Variants in HDAC4 observed in about 807,000 individuals in gnomAD.
HDAC4 encodes the protein histone deacetylase A.
A neutral mutation model predicts 135.1 loss-of-function variants in HDAC4; 16 were observed. The ratio of observed to expected loss-of-function variants is 0.12; its 90% CI spans 0.08 to 0.18. The LOEUF is 0.18. HDAC4 is among the 10% of genes least tolerant of loss of function. The pLI, the probability that HDAC4 is intolerant of heterozygous loss-of-function variation, is 1.00. For missense variants in HDAC4, 1,143 were observed against 1,511.8 expected, an observed-to-expected ratio of 0.76 and a Z score of 4.05; for synonymous variants, 685 against 653.4, an observed-to-expected ratio of 1.05 and a Z score of -0.74.
chr2:239,393,234 G>A (rs185577308), intron 1 of HDAC4, among the ~76,000 whole-genome samples: 437 of 152,302 alleles, frequency 2.9e-3, no homozygotes, highest in African/African-American at 9.4e-3. Context: ...GCCTAGCCGC[G>A]CCATGGACCA....
At chr2:239,095,766 A>G (rs1559416903) in intron 16 of HDAC4, among the ~76,000 whole-genome samples, 1 of 152,164 alleles carries the variant, frequency 6.6e-6, no homozygotes, top group Non-Finnish European at 1.5e-5. Context: ...TGTTTGACCC[A>G]GTGCTGGCTG....
chr2:239,277,848 C>G (rs113533573), intron 2 of HDAC4, among the ~76,000 whole-genome samples: 2 of 152,154 alleles, frequency 1.3e-5, no homozygotes. Context: ...TCAGATCTGC[C>G]GGAAACAAAT....
intron 3 of HDAC4, among the ~76,000 whole-genome samples, chr2:239,210,549 C>A (rs1285865332): frequency 1.3e-5 from 2 of 152,212 alleles, no homozygotes; most frequent in African/African-American, 4.8e-5. Context: ...TATTACCCGG[C>A]CTGTGAGCAC....
At chr2:239,301,283 G>A (rs570692339) in intron 2 of HDAC4, among the ~76,000 whole-genome samples, 21 of 152,256 alleles carry the variant, frequency 1.4e-4, no homozygotes, top group African/African-American at 4.3e-4. Flanking sequence ...ATGGTGGGGC[G>A]TATGCAGCGT....
At chr2:239,399,583 G>C (rs912123028) in intron 1 of HDAC4, among the ~76,000 whole-genome samples, 5 of 152,218 alleles carry the variant, frequency 3.3e-5, no homozygotes, top group African/African-American at 1.2e-4. Context: ...GTGCAAACCT[G>C]CCAGTATCCC....
In HDAC4 at chr2:239,139,874, G is replaced by C; in HGVS notation, c.866-78C>G. 1 of 1,221,378 alleles carries C rather than the reference G, an allele frequency of 8.2e-7. No homozygotes were observed. Among genetic ancestry groups the C allele is most frequent in the East Asian group, 2.4e-5 (1 of 42,440 alleles). 75.7% of individuals were successfully genotyped at this position (1,221,378 alleles called of 1,614,324 possible). A position where few individuals can be genotyped will look rare whatever the true frequency, so the allele number is the denominator to read the frequency against. ...GTGCTGACCTGTGGCCCGAATGCCCGGTGCCTTCCACGGACCTGCTCGTTA... is the reference window on the plus strand; with the variant it reads ...GTGCTGACCTGTGGCCCGAATGCCCCGTGCCTTCCACGGACCTGCTCGTTA... On this transcript the variant is annotated intron_variant, in intron 8 of 26. Transcript: ENST00000543185. The surrounding 1 kb of genome is among the most constrained non-coding windows in gnomAD (Gnocchi z 5.3).
rs2033845896 is a variant in HDAC4, at chr2:239,068,710, C to T, written c.2751-103G>A. On this transcript the variant is annotated intron_variant, in intron 22 of 26. Coordinates refer to ENST00000543185, the MANE Select transcript of HDAC4 (RefSeq NM_001378414.1). The surrounding 1 kb of genome is among the most constrained non-coding windows in gnomAD (Gnocchi z 4.4). ...TGGCATTGATAATGCCTGCCCCGCA[C>T]CCCCTCGGCCACTGGCGGGCTGAGG... 5.0e-6 allele frequency: 5 copies of T among 994,250 alleles called. No individual in the cohort carries two copies. In the South Asian group the frequency reaches 5.1e-5, roughly 10 times the overall value. 61.6% of individuals were successfully genotyped at this position (994,250 alleles called of 1,614,324 possible).
chr2:239,339,295 G>A (rs938040338), intron 2 of HDAC4, among the ~76,000 whole-genome samples: 8 of 152,208 alleles, frequency 5.3e-5, no homozygotes, highest in African/African-American at 1.9e-4. Context: ...ATCAGCTGCA[G>A]GGCCAGGTGC....
chr2:239,096,791 C>T (rs943776348), intron 16 of HDAC4, among the ~76,000 whole-genome samples: 1 of 151,344 alleles, frequency 6.6e-6, no homozygotes. Flanking sequence ...CAGACAGCCA[C>T]AGCCAGGCCC....
At chr2:239,197,248 C>T (rs1327785869) in intron 3 of HDAC4, among the ~76,000 whole-genome samples, 5 of 152,164 alleles carry the variant, frequency 3.3e-5, no homozygotes, top group African/African-American at 7.2e-5. Flanking sequence ...CCTTCGCCTT[C>T]GGGATTCTGA....
At chr2:239,179,152 G>A (rs535264787) in intron 4 of HDAC4, among the ~76,000 whole-genome samples, 13 of 152,134 alleles carry the variant, frequency 8.5e-5, no homozygotes, top group Non-Finnish European at 1.3e-4. Context: ...TGGGGTGTGC[G>A]TGCGAGGCAG....
chr2:239,231,152 A>T (rs1286571515), intron 3 of HDAC4, among the ~76,000 whole-genome samples: 1 of 152,178 alleles, frequency 6.6e-6, no homozygotes, highest in Non-Finnish European at 1.5e-5. Flanking sequence ...ACATAACCTT[A>T]AAAAGAGCCT....
chr2:239,087,783 C>G (rs758935420), intron 18 of HDAC4, among the ~76,000 whole-genome samples, 169 bp from the exon 19 acceptor site: 4 of 152,210 alleles, frequency 2.6e-5, no homozygotes, highest in Non-Finnish European at 5.9e-5. Context: ...CAGCTGGGAG[C>G]CTTTCCGGGA....
intron 2 of HDAC4, among the ~76,000 whole-genome samples, chr2:239,297,027 TAAAAA>T (rs71043186): frequency 7.8e-4 from 92 of 118,196 alleles, no homozygotes; most frequent in East Asian, 5.0e-3. Context: ...TGTTTTCATG[TAAAAA>T]AAAAAAAAAA....
At chr2:239,102,324 C>T (rs2037742947) in intron 16 of HDAC4, among the ~76,000 whole-genome samples, 1 of 152,196 alleles carries the variant, frequency 6.6e-6, no homozygotes, top group South Asian at 2.1e-4. Flanking sequence ...CTAAAATTCC[C>T]CTCCACCACC....
rs544150379 is a variant in HDAC4, at chr2:239,084,885, C to G, written c.2445-643G>C. Reference sequence around the variant, plus strand: ...CCCCACAGATACGCCCATACCCACCCCCCCCACGTAGACACACATGCACAG... The same window carrying G: ...CCCCACAGATACGCCCATACCCACCGCCCCCACGTAGACACACATGCACAG... On this transcript the variant is annotated intron_variant, in intron 19 of 26. Coordinates refer to ENST00000543185, the MANE Select transcript of HDAC4 (RefSeq NM_001378414.1). Among the ~76,000 whole-genome samples the G allele has an allele frequency of 8.3e-4, 125 of 151,272 alleles. 2 individuals carry two copies. Among genetic ancestry groups the G allele is most frequent in the African/African-American group, 2.9e-3 (121 of 41,142 alleles).
intron 16 of HDAC4, among the ~76,000 whole-genome samples, chr2:239,097,931 G>A (rs73092843): frequency 0.073 from 11,078 of 152,270 alleles, 1,369 homozygotes; most frequent in African/African-American, 0.25. Flanking sequence ...GCACGGGAAA[G>A]ACACTGCCAG....
At chr2:239,073,599 A>G (rs915949426) in intron 22 of HDAC4, among the ~76,000 whole-genome samples, 1 of 152,180 alleles carries the variant, frequency 6.6e-6, no homozygotes, top group African/African-American at 2.4e-5. Context: ...TGTCCATACA[A>G]CTTCTGTAAC....
chr2:239,188,760 T>A (rs2153039893), intron 4 of HDAC4, among the ~76,000 whole-genome samples: 1 of 152,348 alleles, frequency 6.6e-6, no homozygotes, highest in East Asian at 1.9e-4. Context: ...CCCTGTGGCT[T>A]CCATGTTGGC....
Sources: allele counts gnomAD v4.1 joint callset (sites outside exome capture counted in the v4.1 genomes callset), GRCh38; gene constraint gnomAD v4.1.1; non-coding constraint Gnocchi (gnomAD v3.1); transcripts MANE v1.5; gene names NCBI Gene and HGNC (gene_info 2026-07-23, HGNC 2026-07-21).